INSL6: variants seen among roughly 807,000 people sequenced by gnomAD.
INSL6 encodes the protein insulin like 6.
A neutral mutation model predicts 9.4 loss-of-function variants in INSL6; 16 were observed. That is an observed-to-expected ratio of 1.70 (90% CI 1.15 to 2.59). INSL6 has a LOEUF of 2.59. Ranked by LOEUF, INSL6 falls within the 30% of genes most tolerant of loss-of-function variation. The pLI is 0.00. For missense variants in INSL6, 391 were observed against 257.3 expected (o/e 1.52, Z -3.56); for synonymous variants, 154 against 96.9 (o/e 1.59, Z -3.46).
the INSL6 span, among the ~76,000 whole-genome samples, chr9:5,008,819 C>T: frequency 2.8e-3 from 430 of 152,270 alleles, no homozygotes; most frequent in African/African-American, 0.01. Flanking sequence ...CCTGTGTTTT[C>T]ATTCGTCCTC....
At chr9:5,100,932 G>C in the INSL6 span, 2 of 152,216 alleles carry the variant, frequency 1.3e-5, no homozygotes, top group African/African-American at 4.8e-5. Flanking sequence ...GTCTGAATAG[G>C]AATAGCTCCA....
the INSL6 span, among the ~76,000 whole-genome samples, chr9:5,072,271 C>T: frequency 6.6e-6 from 1 of 152,060 alleles, no homozygotes; most frequent in Non-Finnish European, 1.5e-5. Context: ...CGAGTAGAGC[C>T]AAAATACACT....
chr9:4,996,901 C>G, the INSL6 span, among the ~76,000 whole-genome samples: 1 of 147,596 alleles, frequency 6.8e-6, no homozygotes, highest in Non-Finnish European at 1.5e-5. Context: ...TGGGAGTTCT[C>G]TCCTTTTACT....
chr9:5,032,497 A>G, the INSL6 span, among the ~76,000 whole-genome samples: 1 of 152,222 alleles, frequency 6.6e-6, no homozygotes, highest in African/African-American at 2.4e-5. Context: ...GGCACCCCCA[A>G]GTAGGGGGAG....
intron 2 of INSL6, among the ~76,000 whole-genome samples, chr9:5,140,580 A>T (rs997340444): frequency 6.6e-6 from 1 of 152,106 alleles, no homozygotes; most frequent in African/African-American, 2.4e-5. Context: ...CACTATTATA[A>T]CCATGTCATT....
chr9:5,132,553 TAA>T (rs145340474), intron 3 of INSL6, among the ~76,000 whole-genome samples: 5 of 144,954 alleles, frequency 3.4e-5, no homozygotes, highest in African/African-American at 5.0e-5. Flanking sequence ...TTCTTTTTCT[TAA>T]AAAAAAAAAA....
chr9:5,081,898 A>C, the INSL6 span: 1 of 1,541,502 alleles, frequency 6.5e-7, no homozygotes, highest in Non-Finnish European at 8.9e-7. Context: ...GAGTATAATC[A>C]TTTCATTTAG....
At chr9:5,152,937 G>C (rs984792835) in intron 2 of INSL6, among the ~76,000 whole-genome samples, 15 of 152,040 alleles carry the variant, frequency 9.9e-5, no homozygotes, top group African/African-American at 3.6e-4. Flanking sequence ...CACCCGGGAA[G>C]CACAAGGGGT....
intron 3 of INSL6, chr9:5,126,663 G>C (rs751895099): frequency 7.2e-6 from 11 of 1,520,314 alleles, no homozygotes; most frequent in Non-Finnish European, 9.0e-6. Flanking sequence ...ATTTAATTTT[G>C]GTTTATTTTC....
At chr9:5,132,916 T>C (rs2130880437) in intron 3 of INSL6, 1 of 152,334 alleles carries the variant, frequency 6.6e-6, no homozygotes, top group East Asian at 1.9e-4. Context: ...ATATGAGCCC[T>C]AATCATAGTT....
the INSL6 span, among the ~76,000 whole-genome samples, chr9:5,031,124 T>TG: frequency 6.6e-6 from 1 of 152,134 alleles, no homozygotes; most frequent in Non-Finnish European, 1.5e-5. Context: ...AGATGGAATA[T>TG]TACAAAGATC....
chr9:5,007,980 C>T, the INSL6 span, among the ~76,000 whole-genome samples: 17 of 152,248 alleles, frequency 1.1e-4, no homozygotes, highest in Admixed American at 3.9e-4. Flanking sequence ...CCCCCCGCCT[C>T]GGCCTCCCAA....
chr9:5,060,527 AT>A, the INSL6 span, among the ~76,000 whole-genome samples: 1 of 152,142 alleles, frequency 6.6e-6, no homozygotes, highest in Admixed American at 6.5e-5. Flanking sequence ...TCAAGAAACC[AT>A]TTTTTTATGC....
chr9:5,103,738 A>C, the INSL6 span, among the ~76,000 whole-genome samples: 4 of 152,218 alleles, frequency 2.6e-5, no homozygotes, highest in Non-Finnish European at 5.9e-5. Flanking sequence ...CAGTGCAATC[A>C]AATTAGAACT....
chr9:5,064,082 G>A, the INSL6 span, among the ~76,000 whole-genome samples: 1 of 152,186 alleles, frequency 6.6e-6, no homozygotes. Context: ...CTTGAACCCA[G>A]GAGGCAGAAG....
the INSL6 span, chr9:5,041,556 A>T: frequency 3.8e-6 from 2 of 526,594 alleles, no homozygotes; most frequent in South Asian, 3.0e-5. Context: ...CCCAGAGGAG[A>T]TGGCTACGTA....
chr9:5,166,667 T>C (rs923772504), intron 1 of INSL6, among the ~76,000 whole-genome samples: 1 of 151,550 alleles, frequency 6.6e-6, no homozygotes, highest in Non-Finnish European at 1.5e-5. Flanking sequence ...ATGAAAAGGG[T>C]AGTCAGAGTT....
Position 5,146,657 on chromosome 9 carries a change from G to A in INSL6, c.377-13065C>T, listed in dbSNP as rs149831655. Among the ~76,000 whole-genome samples, 25 of 152,346 alleles carry A rather than the reference G, an allele frequency of 1.6e-4. No homozygotes were observed. The East Asian group carries it at 2.3e-3, about 14-fold the overall frequency. On this transcript the variant is annotated intron_variant, in intron 2 of 3. Coordinates refer to the INSL6 transcript ENST00000649639. ...TGCCCACCAAGGCTCCATCTGCAACGGCAGTCAACAGGGGTTGAGAGGAAT... is the reference window on the plus strand; with the variant it reads ...TGCCCACCAAGGCTCCATCTGCAACAGCAGTCAACAGGGGTTGAGAGGAAT...
chr9:5,029,400 TAATAAAAAAGTTTGAAG>T, the INSL6 span, among the ~76,000 whole-genome samples: 2 of 152,088 alleles, frequency 1.3e-5, no homozygotes, highest in South Asian at 4.1e-4. Context: ...ACTGATATAA[TAATAAAAAAGTTTGAAG>T]TATTGCAAGA....
Sources: gnomAD v4.1 joint callset for allele counts (sites outside exome capture counted in the v4.1 genomes callset) on GRCh38, gnomAD v4.1.1 for gene constraint, MANE v1.5 for transcripts, NCBI Gene and HGNC (gene_info 2026-07-23, HGNC 2026-07-21) for gene names.